Variants in CACNA2D3 observed in about 807,000 individuals in gnomAD.
CACNA2D3 encodes calcium voltage-gated channel auxiliary subunit alpha2delta 3.
A neutral mutation model predicts 160.6 loss-of-function variants in CACNA2D3; 60 were observed. The ratio of observed to expected loss-of-function variants is 0.37; its 90% CI spans 0.30 to 0.46. The LOEUF is 0.46. CACNA2D3 is among the 20% of genes least tolerant of loss of function. The probability of loss-of-function intolerance (pLI) is 1.00; values close to 1 mark genes in which losing one functional copy is unlikely to be tolerated. For missense variants in CACNA2D3, 1,205 were observed against 1,365.0 expected (o/e 0.88, Z 1.85); for synonymous variants, 558 against 492.9 (o/e 1.13, Z -1.75).
In CACNA2D3 at chr3:54,144,023, G is replaced by A. The variant is rs79891280; in HGVS notation, c.204+20429G>A. The stretch of plus-strand genomic sequence containing the variant: ...AATTTATCCTCTTCTTTGAAAAATT[G>A]GAATGTACCAGATGATACAAAAAGA... On this transcript the variant is annotated intron_variant, in intron 2 of 37. Transcript: ENST00000474759. Among the ~76,000 whole-genome samples, 2,283 of 152,148 alleles carry A rather than the reference G, an allele frequency of 0.015. 143 individuals are homozygous for A. The East Asian group carries it at 0.22, about 15-fold the overall frequency.
At chr3:54,204,666 C>T (rs1701239086) in intron 2 of CACNA2D3, among the ~76,000 whole-genome samples, 2 of 151,928 alleles carry the variant, frequency 1.3e-5, no homozygotes, top group Middle Eastern at 6.8e-3. Context: ...TGTGGTGGCA[C>T]ATGCCTGTAA....
intron 11 of CACNA2D3, among the ~76,000 whole-genome samples, chr3:54,739,749 ATATGTGTGTGTG>A (rs761216995): frequency 2.2e-4 from 18 of 80,726 alleles, no homozygotes; most frequent in African/African-American, 4.0e-4. Flanking sequence ...TTCTCCTCAT[ATATGTGTGTGTG>A]TGTGTGTGTG....
chr3:54,425,611 T>G (rs1699901238), intron 4 of CACNA2D3, among the ~76,000 whole-genome samples: 1 of 152,306 alleles, frequency 6.6e-6, no homozygotes, highest in South Asian at 2.1e-4. Flanking sequence ...ATACCAGAAA[T>G]GGCCAAGGCA....
At chr3:54,546,656 C>T (rs1702069835) in intron 5 of CACNA2D3, among the ~76,000 whole-genome samples, 2 of 151,858 alleles carry the variant, frequency 1.3e-5, no homozygotes, top group Admixed American at 1.3e-4. Flanking sequence ...TTTTGGTTAA[C>T]CAACCAACTG....
chr3:54,801,950 T>C (rs1013470153), intron 13 of CACNA2D3, among the ~76,000 whole-genome samples: 1 of 152,220 alleles, frequency 6.6e-6, no homozygotes, highest in Non-Finnish European at 1.5e-5. Flanking sequence ...CATAAGTCTT[T>C]CCAACAAAAT....
chr3:54,997,129 A>T (rs916068670), intron 31 of CACNA2D3, among the ~76,000 whole-genome samples: 2 of 152,166 alleles, frequency 1.3e-5, no homozygotes, highest in African/African-American at 4.8e-5. Context: ...TAGGTAACAA[A>T]CCTGCACATT....
chr3:54,950,784 C>A (rs1007301908), intron 27 of CACNA2D3, among the ~76,000 whole-genome samples: 1 of 152,044 alleles, frequency 6.6e-6, no homozygotes. Flanking sequence ...TTGATCGGGG[C>A]CAAAATAAAC....
intron 17 of CACNA2D3, among the ~76,000 whole-genome samples, chr3:54,848,884 A>G (rs1289741848): frequency 6.6e-6 from 1 of 152,198 alleles, no homozygotes; most frequent in Non-Finnish European, 1.5e-5. Flanking sequence ...AATGCAAGCA[A>G]AGGACCTGGT....
At chr3:54,340,465 G>C (rs1704491911) in intron 3 of CACNA2D3, among the ~76,000 whole-genome samples, 1 of 152,164 alleles carries the variant, frequency 6.6e-6, no homozygotes, top group South Asian at 2.1e-4. Context: ...AGGTCAGGCT[G>C]ATATAAAAGC....
chr3:54,727,845 CAT>C (rs1701307195), intron 11 of CACNA2D3, among the ~76,000 whole-genome samples: 1 of 152,078 alleles, frequency 6.6e-6, no homozygotes, highest in Non-Finnish European at 1.5e-5. Context: ...TACCATGACA[CAT>C]GTATAGCTAT....
chr3:55,028,046 GA>G (rs1703602879), intron 35 of CACNA2D3, among the ~76,000 whole-genome samples: 1 of 152,176 alleles, frequency 6.6e-6, no homozygotes, highest in South Asian at 2.1e-4. Flanking sequence ...CCATATAGCA[GA>G]AGTCTTTTCA....
At chr3:54,771,352 A>T (rs1051277505) in intron 13 of CACNA2D3, among the ~76,000 whole-genome samples, 8 of 152,208 alleles carry the variant, frequency 5.3e-5, no homozygotes, top group African/African-American at 1.9e-4. Flanking sequence ...CCAGGTTGCC[A>T]TGGATCAAAA....
chr3:54,881,269 A>G (rs1183735031), intron 21 of CACNA2D3, among the ~76,000 whole-genome samples: 1 of 152,198 alleles, frequency 6.6e-6, no homozygotes, highest in Admixed American at 6.5e-5. Context: ...TGCCCAGGGG[A>G]AACCATGAAA....
chr3:54,509,313 TTGAGA>T (rs1337475962), intron 5 of CACNA2D3, among the ~76,000 whole-genome samples: 17 of 142,646 alleles, frequency 1.2e-4, no homozygotes, highest in African/African-American at 3.8e-4. Flanking sequence ...GTGTGTGTGT[TTGAGA>T]GAGAGGGAGA....
chr3:54,196,648 A>G (rs1013291068), intron 2 of CACNA2D3, among the ~76,000 whole-genome samples: 1 of 152,224 alleles, frequency 6.6e-6, no homozygotes, highest in African/African-American at 2.4e-5. Flanking sequence ...ATGAATATTT[A>G]TGTTTCAGAA....
chr3:54,894,284 G>C (rs1340480240), intron 25 of CACNA2D3, among the ~76,000 whole-genome samples: 2 of 152,162 alleles, frequency 1.3e-5, no homozygotes, highest in Middle Eastern at 3.2e-3. Context: ...AGTTGGCAGA[G>C]GCCTCCAGGG....
chr3:54,427,099 C>T (rs181430800), intron 4 of CACNA2D3, among the ~76,000 whole-genome samples: 19 of 152,062 alleles, frequency 1.2e-4, no homozygotes, highest in Non-Finnish European at 4.4e-5. Flanking sequence ...ACTGCATTAC[C>T]AGAAGGCAGG....
intron 13 of CACNA2D3, among the ~76,000 whole-genome samples, chr3:54,793,354 G>C (rs1238726995): frequency 2.0e-5 from 3 of 152,192 alleles, no homozygotes; most frequent in Non-Finnish European, 2.9e-5. Context: ...GTTTGGCAAG[G>C]GTTTTTTAAG....
At chr3:54,851,434 C>T (rs1699055558) in intron 17 of CACNA2D3, among the ~76,000 whole-genome samples, 1 of 152,162 alleles carries the variant, frequency 6.6e-6, no homozygotes, top group Admixed American at 6.5e-5. Context: ...AAGGTGACGT[C>T]TCCCAGATCA....
Sources: allele counts gnomAD v4.1 joint callset (sites outside exome capture counted in the v4.1 genomes callset), GRCh38; gene constraint gnomAD v4.1.1; transcripts MANE v1.5; gene names NCBI Gene and HGNC (gene_info 2026-07-23, HGNC 2026-07-21).